TNR: variants seen among roughly 807,000 people sequenced by gnomAD.
TNR encodes the protein tenascin R, also known as tenascin-R.
Under a neutral mutation model 150.4 loss-of-function variants are expected in TNR, and 45 were observed. That is an observed-to-expected ratio of 0.30 (90% CI 0.24 to 0.38). The LOEUF (loss-of-function observed/expected upper bound fraction) is 0.38, where lower values mean the gene tolerates loss of function less well. Ranked by LOEUF, TNR falls within the 10% of genes least tolerant of loss-of-function variation. TNR has a pLI of 1.00. For missense variants in TNR, 1,544 were observed against 1,759.1 expected (o/e 0.88, Z 2.19); for synonymous variants, 687 against 678.4 (o/e 1.01, Z -0.20).
At chr1:175,332,295 C>T (rs964372513) in intron 20 of TNR, among the ~76,000 whole-genome samples, 2 of 152,158 alleles carry the variant, frequency 1.3e-5, no homozygotes, top group Non-Finnish European at 2.9e-5. Flanking sequence ...ATTCATGCTC[C>T]CAAGCTTCCT....
intron 2 of TNR, among the ~76,000 whole-genome samples, chr1:175,476,926 A>T (rs999745762): frequency 6.6e-6 from 1 of 152,174 alleles, no homozygotes; most frequent in African/African-American, 2.4e-5. Context: ...CTATGAATAA[A>T]TTGTAGGATT....
rs567256747 is a variant in TNR, at chr1:175,487,155, T to C, written c.-64+41114A>G. 3.2e-4 allele frequency among the ~76,000 whole-genome samples: 48 copies of C among 152,296 alleles called. No individual in the cohort carries two copies. In the East Asian group the frequency reaches 5.2e-3, roughly 17 times the overall value. On this transcript the variant is annotated intron_variant, in intron 2 of 22. Transcript: ENST00000367674. Reference sequence around the variant, plus strand: ...AGATCCCATTTGTTAATTTTGGCTTTTGTTGCCATTGCTTTTGGTGTTTTA... The same window carrying C: ...AGATCCCATTTGTTAATTTTGGCTTCTGTTGCCATTGCTTTTGGTGTTTTA...
chr1:175,354,505 C>T lies in TNR; in HGVS notation c.3268G>A (p.Glu1090Lys). 1 of 1,614,088 alleles carries T rather than the reference C, an allele frequency of 6.2e-7. No homozygotes were observed. Among genetic ancestry groups the T allele is most frequent in the South Asian group, 1.1e-5 (1 of 91,086 alleles). ...CCCTCCAGTCGAATCCAGGTGTCTT[C>T]TGCATCCACAATCAGCTCCTGTATA... ...GSRKELIVDAEDTWIRLEGLL... is the reference protein window; with the variant it reads ...GSRKELIVDAKDTWIRLEGLL... The change falls in exon 18 of 23, where the codon GAA (glutamate) becomes AAA (lysine). Residue 1090 changes from glutamate (E) to lysine (K), a missense_variant. This residue lies in a region of TNR where 290 missense variants were observed against 429.7 expected (regional missense o/e 0.67). Transcript: ENST00000367674.
intron 9 of TNR, among the ~76,000 whole-genome samples, chr1:175,371,384 C>G (rs956769073): frequency 1.3e-5 from 2 of 152,196 alleles, no homozygotes; most frequent in Non-Finnish European, 2.9e-5. Context: ...ACCCCTAAAG[C>G]ACAGTCATAC....
At chr1:175,325,827 G>A (rs6701883) in intron 21 of TNR, among the ~76,000 whole-genome samples, 33 of 151,364 alleles carry the variant, frequency 2.2e-4, no homozygotes, top group African/African-American at 6.6e-4. Flanking sequence ...ATGAGAACAC[G>A]TGGACACAGG....
At chr1:175,345,845 A>G (rs1367300358) in intron 18 of TNR, among the ~76,000 whole-genome samples, 1 of 152,168 alleles carries the variant, frequency 6.6e-6, no homozygotes, top group Non-Finnish European at 1.5e-5. Context: ...GTGAAACTGG[A>G]GATAAAAACA....
chr1:175,582,732 C>A (rs1162784902), intron 1 of TNR, among the ~76,000 whole-genome samples: 1 of 150,368 alleles, frequency 6.7e-6, no homozygotes, highest in Non-Finnish European at 1.5e-5. Flanking sequence ...GGTTTGAATG[C>A]TTATATCCTC....
intron 1 of TNR, among the ~76,000 whole-genome samples, chr1:175,538,218 G>T (rs1163667130): frequency 6.6e-6 from 1 of 152,118 alleles, no homozygotes; most frequent in African/African-American, 2.4e-5. Context: ...AAATGGGAAG[G>T]GGAGGTACAA....
At chr1:175,724,174 G>T (rs1667415841) in intron 1 of TNR, among the ~76,000 whole-genome samples, 1 of 152,162 alleles carries the variant, frequency 6.6e-6, no homozygotes, top group South Asian at 2.1e-4. Flanking sequence ...AAACACCTGA[G>T]ACTGGGTAAT....
intron 1 of TNR, among the ~76,000 whole-genome samples, chr1:175,534,878 G>A (rs984321773): frequency 2.0e-5 from 3 of 152,214 alleles, no homozygotes; most frequent in Admixed American, 1.3e-4. Flanking sequence ...CATGGCTGCT[G>A]TTCTCATGAT....
chr1:175,657,883 A>ATATATATATATATGTGTG lies in TNR; in HGVS notation c.-165+85342_-165+85343insCACACATATATATATATA, dbSNP rs1464419575. 7.9e-5 allele frequency among the ~76,000 whole-genome samples: 8 copies of ATATATATATATATGTGTG among 101,146 alleles called. 1 individual carries two copies. The highest frequency in any genetic ancestry group is 3.6e-4 in the South Asian group (1 of 2,774). 66.4% of individuals were successfully genotyped at this position (101,146 alleles called of 152,430 possible). A position where few individuals can be genotyped will look rare whatever the true frequency, so the allele number is the denominator to read the frequency against. On this transcript the variant is annotated intron_variant, in intron 1 of 22. Coordinates refer to ENST00000367674, the MANE Select transcript of TNR (RefSeq NM_003285.3). Reference sequence around the variant, plus strand: ...TATATATATATATATATATATATATATGTAACAAACCTGCACGTTGTGCAC... The same window carrying ATATATATATATATGTGTG: ...TATATATATATATATATATATATATATATATATATATATGTGTGTGTAACAAACCTGCACGTTGTGCAC...
At chr1:175,574,536 A>C (rs1216883645) in intron 1 of TNR, among the ~76,000 whole-genome samples, 1 of 152,178 alleles carries the variant, frequency 6.6e-6, no homozygotes, top group Non-Finnish European at 1.5e-5. Context: ...TGCAGCGATA[A>C]GATATGGCGC....
At chr1:175,685,977 G>T (rs901367166) in intron 1 of TNR, among the ~76,000 whole-genome samples, 1 of 151,944 alleles carries the variant, frequency 6.6e-6, no homozygotes, top group Non-Finnish European at 1.5e-5. Flanking sequence ...AGAATTATAA[G>T]CATTATGGCT....
chr1:175,419,978 C>T (rs1654679221), intron 2 of TNR, among the ~76,000 whole-genome samples: 1 of 152,216 alleles, frequency 6.6e-6, no homozygotes, highest in African/African-American at 2.4e-5. Context: ...CGAAGGGGAG[C>T]TCCACCCAGA....
intron 18 of TNR, among the ~76,000 whole-genome samples, chr1:175,352,961 C>A (rs913483971): frequency 6.6e-6 from 1 of 152,074 alleles, no homozygotes; most frequent in Non-Finnish European, 1.5e-5. Context: ...GGAAGAGGCT[C>A]TGAGGCATGG....
At position 175,641,910 on chromosome 1, in the gene TNR, G is replaced by A. The variant is rs886963538; in HGVS notation, c.-165+101316C>T. On this transcript the variant is annotated intron_variant, in intron 1 of 22. Coordinates refer to ENST00000367674, the MANE Select transcript of TNR (RefSeq NM_003285.3). ...GTAATTTTCATGCCAATGTACTTCGGTTCAGTTTAAAAGACATTTATTTGG... is the reference window on the plus strand; with the variant it reads ...GTAATTTTCATGCCAATGTACTTCGATTCAGTTTAAAAGACATTTATTTGG... Among the ~76,000 whole-genome samples, 5 of 152,174 alleles carry A rather than the reference G, an allele frequency of 3.3e-5. No homozygotes were observed. The East Asian group carries it at 7.7e-4, about 23-fold the overall frequency.
intron 2 of TNR, among the ~76,000 whole-genome samples, chr1:175,438,608 A>G (rs1299681411): frequency 6.6e-6 from 1 of 152,218 alleles, no homozygotes; most frequent in Non-Finnish European, 1.5e-5. Flanking sequence ...TGCAGATGAC[A>G]TGATTGTATA....
intron 2 of TNR, among the ~76,000 whole-genome samples, chr1:175,417,011 AAAAGAAAGAAAGAAAG>A (rs61354589): frequency 1.3e-4 from 12 of 90,904 alleles, no homozygotes; most frequent in African/African-American, 3.2e-4. Flanking sequence ...CCATCTCAAA[AAAAGAAAGAAAGAAAG>A]AAAGAAAGAA....
rs536042727 is a variant in TNR, at chr1:175,598,183, T to C, written c.-164-69814A>G. 3.3e-5 allele frequency among the ~76,000 whole-genome samples: 5 copies of C among 152,258 alleles called. No homozygotes were observed. In the East Asian group the frequency reaches 7.7e-4, roughly 24 times the overall value. On this transcript the variant is annotated intron_variant, in intron 1 of 22. Transcript: ENST00000367674. Reference sequence around the variant, plus strand: ...AACAGTAACAGTCTCCAGAAATCAGTGTATGAACTTCCCTCAGGAAGTAAA... The same window carrying C: ...AACAGTAACAGTCTCCAGAAATCAGCGTATGAACTTCCCTCAGGAAGTAAA...
Sources: allele counts gnomAD v4.1 joint callset (sites outside exome capture counted in the v4.1 genomes callset), GRCh38; gene constraint gnomAD v4.1.1; regional missense constraint gnomAD v4.1.1; transcripts MANE v1.5; gene names NCBI Gene and HGNC (gene_info 2026-07-23, HGNC 2026-07-21).